The following FLT1 variants were observed in gnomAD, a reference collection of about 807,000 sequenced individuals.
FLT1 encodes the protein vascular endothelial growth factor receptor 1.
A neutral mutation model predicts 156.3 loss-of-function variants in FLT1; 49 were observed. The ratio of observed to expected loss-of-function variants is 0.31; its 90% CI spans 0.25 to 0.40. The LOEUF (loss-of-function observed/expected upper bound fraction) is 0.40. Among genes scored for constraint, FLT1 ranks in the 10% least tolerant of loss-of-function variants. The probability of loss-of-function intolerance (pLI) is 1.00; values close to 1 mark genes in which losing one functional copy is unlikely to be tolerated. For synonymous variants in FLT1, 594 were observed against 583.8 expected, an observed-to-expected ratio of 1.02 and a Z score of -0.25; for missense variants, 1,322 against 1,637.2, an observed-to-expected ratio of 0.81 and a Z score of 3.32.
At chr13:28,331,004 G>A (rs997553051) in intron 18 of FLT1, among the ~76,000 whole-genome samples, 6 of 152,150 alleles carry the variant, frequency 3.9e-5, no homozygotes, top group Non-Finnish European at 8.8e-5. Flanking sequence ...GGTTAACCAC[G>A]TTAATGGTGG....
At chr13:28,355,201 C>A (rs1320202420) in intron 15 of FLT1, among the ~76,000 whole-genome samples, 1 of 152,210 alleles carries the variant, frequency 6.6e-6, no homozygotes, top group Non-Finnish European at 1.5e-5. Flanking sequence ...AGCCTCACCA[C>A]ATAGTCATTG....
chr13:28,313,646 G>A (rs1033869705), intron 25 of FLT1, among the ~76,000 whole-genome samples: 3 of 152,048 alleles, frequency 2.0e-5, no homozygotes, highest in Non-Finnish European at 4.4e-5. Flanking sequence ...ACTGGTCTCC[G>A]GGAAGAGATA....
intron 1 of FLT1, among the ~76,000 whole-genome samples, chr13:28,481,242 T>C (rs1880824570): frequency 6.6e-6 from 1 of 152,152 alleles, no homozygotes; most frequent in South Asian, 2.1e-4. Flanking sequence ...AGCAATTCTC[T>C]AGAAGATGGG....
At chr13:28,372,069 TA>T (rs1873614491) in intron 14 of FLT1, among the ~76,000 whole-genome samples, 30 of 28,812 alleles carry the variant, frequency 1.0e-3, no homozygotes, top group Non-Finnish European at 1.8e-3. Context: ...TATATATATA[TA>T]TATATATTTT....
chr13:28,450,805 A>G (rs1417559864), intron 3 of FLT1, among the ~76,000 whole-genome samples: 2 of 152,216 alleles, frequency 1.3e-5, no homozygotes, highest in African/African-American at 4.8e-5. Context: ...CCACAAGCAC[A>G]GGAATACAAT....
At chr13:28,319,030 T>A (rs1871326092) in intron 24 of FLT1, among the ~76,000 whole-genome samples, 1 of 152,244 alleles carries the variant, frequency 6.6e-6, no homozygotes, top group Admixed American at 6.5e-5. Context: ...TGGCCTTTCC[T>A]AGGAAGAAAT....
At chr13:28,445,270 G>A (rs962619097) in intron 3 of FLT1, among the ~76,000 whole-genome samples, 11 of 152,008 alleles carry the variant, frequency 7.2e-5, no homozygotes, top group African/African-American at 2.7e-4. Context: ...TGAGGCAAGG[G>A]TTCAAGACCA....
rs369822331 is a variant in FLT1, at chr13:28,323,446, G to A, written c.2797-500C>T. 1.2e-4 allele frequency among the ~76,000 whole-genome samples: 18 copies of A among 152,248 alleles called. No homozygotes were observed. The East Asian group carries it at 3.5e-3, about 29-fold the overall frequency. On this transcript the variant is annotated intron_variant, in intron 20 of 29. Coordinates refer to ENST00000282397, the MANE Select transcript of FLT1 (RefSeq NM_002019.4). ...CCAGGTGAATCACGTGAGGTCGGGA[G>A]TTTGAGATCAGCCTGACCAATATGG...
chr13:28,361,234 G>A (rs1169575149), intron 14 of FLT1, among the ~76,000 whole-genome samples: 1 of 151,868 alleles, frequency 6.6e-6, no homozygotes, highest in African/African-American at 2.4e-5. Context: ...AGCCAAGATG[G>A]TGCCCCTGCA....
intron 13 of FLT1, chr13:28,387,594 T>C (rs1260704682): frequency 5.5e-5 from 59 of 1,064,612 alleles, no homozygotes; most frequent in Non-Finnish European, 6.3e-5. Flanking sequence ...ATCTGCCAGG[T>C]CACATAAATA....
chr13:28,493,175 G>A (rs1211791732), intron 1 of FLT1, among the ~76,000 whole-genome samples: 3 of 151,972 alleles, frequency 2.0e-5, no homozygotes, highest in South Asian at 2.1e-4. Flanking sequence ...TTTTCCCTCC[G>A]TAATTTTAGA....
At chr13:28,456,680 C>T (rs1254156243) in intron 3 of FLT1, among the ~76,000 whole-genome samples, 4 of 151,854 alleles carry the variant, frequency 2.6e-5, no homozygotes, top group Admixed American at 6.6e-5. Flanking sequence ...CCTGTAATCC[C>T]AGCTACTTGG....
At chr13:28,412,101 G>GA (rs144276616) in intron 10 of FLT1, among the ~76,000 whole-genome samples, 1 of 151,722 alleles carries the variant, frequency 6.6e-6, no homozygotes, top group Non-Finnish European at 1.5e-5. Flanking sequence ...AAATAGGAAG[G>GA]AAAAAAAAGC....
At position 28,361,097 on chromosome 13, in the gene FLT1, G is replaced by T. The variant is rs148421284; in HGVS notation, c.2117-3412C>A. ...AATTCGAGACCAGCCTATCCAATAT[G>T]GTGACACCCCGTCTCTACTAAAAAT... On this transcript the variant is annotated intron_variant, in intron 14 of 29. Coordinates refer to ENST00000282397, the MANE Select transcript of FLT1 (RefSeq NM_002019.4). Among the ~76,000 whole-genome samples, 1,234 of 151,982 alleles carry T rather than the reference G, an allele frequency of 8.1e-3. 13 individuals are homozygous for T. Among genetic ancestry groups the T allele is most frequent in the African/African-American group, 0.028 (1,160 of 41,456 alleles).
intron 6 of FLT1, 86 bp downstream of exon 6, chr13:28,433,732 CT>C: frequency 1.5e-6 from 2 of 1,300,842 alleles, no homozygotes; most frequent in South Asian, 2.4e-5. Flanking sequence ...TCAGGATTTT[CT>C]GATTTTTCCC....
At chr13:28,352,051 C>G (rs989077638) in intron 15 of FLT1, among the ~76,000 whole-genome samples, 4 of 152,162 alleles carry the variant, frequency 2.6e-5, no homozygotes, top group Admixed American at 6.5e-5. Context: ...AGTTATGCAG[C>G]CCATGAAGAG....
In FLT1 at chr13:28,434,098, A is replaced by G. The variant is rs753090028; in HGVS notation, c.636T>C (p.Asn212=). The change falls in exon 5 of 30, where the codon AAT becomes AAC. Residue 212 remains asparagine, a synonymous_variant. Transcript: ENST00000282397. ...GATAGTTTGTCTTATACAAATGCCC[A>G]TTGACTGTTGCTTCACAGGTCAGAA... The part of the protein sequence containing the change: ...IGLLTCEATV[N]GHLYKTNYLT... The G allele has an allele frequency of 3.1e-6, 5 of 1,614,194 alleles. No individual in the cohort carries two copies. The East Asian group carries it at 8.9e-5, about 29-fold the overall frequency.
intron 14 of FLT1, among the ~76,000 whole-genome samples, chr13:28,359,805 A>G (rs1166909905): frequency 6.6e-6 from 1 of 152,190 alleles, no homozygotes. Flanking sequence ...TCCAATCACA[A>G]AAATGTAAAT....
At chr13:28,361,295 A>G (rs1873105422) in intron 14 of FLT1, among the ~76,000 whole-genome samples, 1 of 152,086 alleles carries the variant, frequency 6.6e-6, no homozygotes, top group Non-Finnish European at 1.5e-5. Context: ...CAAAAAAAAA[A>G]GAAATGTAAA....
Sources: gnomAD v4.1 joint callset for allele counts (sites outside exome capture counted in the v4.1 genomes callset) on GRCh38, gnomAD v4.1.1 for gene constraint, MANE v1.5 for transcripts, NCBI Gene and HGNC (gene_info 2026-07-23, HGNC 2026-07-21) for gene names.